KRT40: variants seen among roughly 807,000 people sequenced by gnomAD.
The protein encoded by KRT40 is keratin 40.
KRT40 carries 47 observed loss-of-function variants against 43.5 expected under a neutral mutation model. The observed-to-expected ratio is 1.08, with a 90% CI of 0.86 to 1.38. KRT40 has a LOEUF of 1.38. Among genes scored for constraint, KRT40 ranks in the 40% most tolerant of loss-of-function variants. The pLI, the probability that KRT40 is intolerant of heterozygous loss-of-function variation, is 0.00. For missense variants in KRT40, 573 were observed against 523.6 expected (o/e 1.09, Z -0.92); for synonymous variants, 212 against 214.0 (o/e 0.99, Z 0.08).
Position 40,982,286 on chromosome 17 carries a change from C to T in KRT40, c.687+21G>A, listed in dbSNP as rs755220950. 27 of 1,525,254 alleles carry T rather than the reference C, an allele frequency of 1.8e-5. No homozygotes were observed. The East Asian group carries it at 1.9e-4, about 11-fold the overall frequency. 94.5% of individuals were successfully genotyped at this position (1,525,254 alleles called of 1,614,324 possible). A position where few individuals can be genotyped will look rare whatever the true frequency, so the allele number is the denominator to read the frequency against. On this transcript the variant is annotated intron_variant, in intron 3 of 6. Coordinates refer to ENST00000377755, the MANE Select transcript of KRT40 (RefSeq NM_001389244.1). Reference sequence around the variant, plus strand: ...GTACGTTACTCTCGGAGTCCTTCAGCGGAGTTGCCACTTTCCTTACCTCTT... The same window carrying T: ...GTACGTTACTCTCGGAGTCCTTCAGTGGAGTTGCCACTTTCCTTACCTCTT...
intron 5 of KRT40, 101 bp from the exon 6 acceptor site, chr17:40,979,125 A>G: frequency 1.2e-6 from 1 of 814,388 alleles, no homozygotes; most frequent in Non-Finnish European, 2.0e-6. Flanking sequence ...CTATGTGACC[A>G]CTGGCAAATT....
At chr17:40,979,054 A>G (rs767905707) in intron 5 of KRT40, 30 bp from the exon 6 acceptor site, 3 of 1,573,846 alleles carry the variant, frequency 1.9e-6, no homozygotes, top group Non-Finnish European at 8.7e-7. Flanking sequence ...CCAAAGGACC[A>G]TGAAGTGCAG....
rs745933532 is a variant in KRT40 at position 40,978,257 on chromosome 17, G to T, written c.1236C>A (p.Ser412Arg). The change falls in exon 7 of 7, where the codon AGC becomes AGA. Residue 412 changes from serine to arginine, a missense_variant. Transcript: ENST00000377755. ...AGGCTGAGCATGGCTCACAAGTGTT[G>T]CTCGAGGTGCATGTGGTCGAACATG... is the stretch of plus-strand genomic sequence containing the variant. ...CSPCSTTCTS[S>R]NTCEPCSAYV... 6.2e-7 allele frequency: 1 copy of T among 1,614,128 alleles called. No individual in the cohort carries two copies. The highest frequency in any genetic ancestry group is 8.5e-7 in the Non-Finnish European group (1 of 1,179,980).
chr17:40,981,268 T>A, intron 3 of KRT40, 117 bp from the exon 4 acceptor site: 1 of 1,570,432 alleles, frequency 6.4e-7, no homozygotes, highest in African/African-American at 1.3e-5. Flanking sequence ...AGATTTTGAT[T>A]CAGATTGCCT....
chr17:40,979,413 A>G (rs1402821895), intron 5 of KRT40, among the ~76,000 whole-genome samples: 2 of 151,780 alleles, frequency 1.3e-5, no homozygotes, highest in African/African-American at 4.8e-5. Context: ...TACTCAGGAG[A>G]ATGGTGTGAA....
intron 3 of KRT40, among the ~76,000 whole-genome samples, chr17:40,981,931 T>C (rs1597920194): frequency 6.6e-6 from 1 of 152,092 alleles, no homozygotes; most frequent in Admixed American, 6.5e-5. Flanking sequence ...CAGGCTGGAG[T>C]GCAGTGGTAA....
intron 5 of KRT40, among the ~76,000 whole-genome samples, chr17:40,979,301 G>A (rs1051962414): frequency 6.6e-6 from 1 of 152,116 alleles, no homozygotes; most frequent in African/African-American, 2.4e-5. Flanking sequence ...GGATCACAAG[G>A]TCAGAAGATC....
chr17:40,980,321 T>C lies in KRT40; in HGVS notation c.975+464A>G, dbSNP rs550556273. On this transcript the variant is annotated intron_variant, in intron 5 of 6. Transcript: ENST00000377755. The stretch of plus-strand genomic sequence containing the variant: ...CACAGTGGTGCTTGACCAGAACTGG[T>C]TCATGTCATCTTGAACGCATGGTGT... Among the ~76,000 whole-genome samples, 8 of 152,322 alleles carry C rather than the reference T, an allele frequency of 5.3e-5. No homozygotes were observed. In the South Asian group the frequency reaches 1.7e-3, roughly 32 times the overall value.
intron 2 of KRT40, 21 bp downstream of exon 2, chr17:40,983,025 A>T (rs1421996772): frequency 9.8e-7 from 1 of 1,016,500 alleles, no homozygotes; most frequent in Non-Finnish European, 1.5e-6. Flanking sequence ...AATAAATAAA[A>T]TAAAATTAAA....
chr17:40,985,878 C>T (rs1657528582), upstream of KRT40, among the ~76,000 whole-genome samples: 1 of 152,058 alleles, frequency 6.6e-6, no homozygotes, highest in Admixed American at 6.5e-5. Flanking sequence ...TGAAGAAAAC[C>T]CATGTTTTGG....
Position 40,978,828 on chromosome 17 carries a change from C to G in KRT40, c.1172G>C (p.Gly391Ala). 1 of 1,612,572 alleles carries G rather than the reference C, an allele frequency of 6.2e-7. No homozygotes were observed. The highest frequency in any genetic ancestry group is 8.5e-7 in the Non-Finnish European group (1 of 1,179,934). ...RLEGEINTYW[G>A]LLDSEDSRLS... ...CCTGCTGTCCTCGCTGTCCAGCAGG[C>G]CCCAGTACGTGTTGATCTCACCCTC... The change falls in exon 6 of 7, where the codon GGC (glycine) becomes GCC (alanine). Residue 391 changes from glycine (G) to alanine (A), a missense_variant. By Grantham distance (60) the Gly-to-Ala change is moderately conservative (BLOSUM62 0). Coordinates refer to ENST00000377755, the MANE Select transcript of KRT40 (RefSeq NM_001389244.1).
Position 40,978,220 on chromosome 17 carries a change from T to C in KRT40, c.1273A>G (p.Thr425Ala). 3 of 1,613,890 alleles carry C rather than the reference T, an allele frequency of 1.9e-6. No homozygotes were observed. Among genetic ancestry groups the C allele is most frequent in the Non-Finnish European group, 2.5e-6 (3 of 1,179,798 alleles). The change falls in exon 7 of 7, where the codon ACT becomes GCT. Residue 425 changes from threonine to alanine, a missense_variant. Transcript: ENST00000377755. ...CEPCSAYVIC[T>A]VENCCL ...ATTCACAAGCAGCAGTTTTCAACAG[T>C]GCAGATGACATAGGCTGAGCATGGC... is the stretch of plus-strand genomic sequence containing the variant.
chr17:40,982,326 A>G lies in KRT40; in HGVS notation c.668T>C (p.Leu223Pro). The change falls in exon 3 of 7, where the codon CTT becomes CCT. Residue 223 changes from leucine to proline, a missense_variant. Physicochemically the swap from Leu to Pro is moderately conservative, Grantham distance 98. Transcript: ENST00000377755. Reference protein sequence around the residue: ...VESLKEDLLCLKKNHEEEVNL... With the variant: ...VESLKEDLLCPKKNHEEEVNL... ...CCTTACCTCTTCATGGTTTTTCTTAAGGCAAAGGAGATCTTCCTTCAGAGA... is the reference window on the plus strand; with the variant it reads ...CCTTACCTCTTCATGGTTTTTCTTAGGGCAAAGGAGATCTTCCTTCAGAGA... 6.3e-7 allele frequency: 1 copy of G among 1,588,780 alleles called. No homozygotes were observed.
At chr17:40,984,405 CTGA>C (rs1912371541), upstream of KRT40, 2 of 645,572 alleles carry the variant, frequency 3.1e-6, no homozygotes, top group African/African-American at 3.6e-5. Context: ...TTCTTTATCA[CTGA>C]TGGTGCCAGT....
chr17:40,978,720 T>C, intron 6 of KRT40, 84 bp downstream of exon 6: 1 of 1,237,368 alleles, frequency 8.1e-7, no homozygotes, highest in Non-Finnish European at 1.2e-6. Context: ...GGTCTGAACT[T>C]GTCCAGACTT....
chr17:40,982,287 G>T lies in KRT40; in HGVS notation c.687+20C>A. The T allele has an allele frequency of 2.0e-6, 3 of 1,526,362 alleles. No individual in the cohort carries two copies. The highest frequency in any genetic ancestry group is 2.4e-5 in the East Asian group (1 of 41,554). The allele number at this position is 1,526,362 out of a possible 1,614,324, so 94.6% of individuals were successfully genotyped here. ...TACGTTACTCTCGGAGTCCTTCAGC[G>T]GAGTTGCCACTTTCCTTACCTCTTC... is the stretch of plus-strand genomic sequence containing the variant. On this transcript the variant is annotated intron_variant, in intron 3 of 6. Transcript: ENST00000377755.
rs1247997848 is a variant in KRT40, at chr17:40,978,136, A to T, written c.*61T>A. Reference sequence around the variant, plus strand: ...TTCCGGTTTGGATGTCCCTGGTTGAAGCCCCATCTCCTTTCTAGGATGCTG... The same window carrying T: ...TTCCGGTTTGGATGTCCCTGGTTGATGCCCCATCTCCTTTCTAGGATGCTG... On this transcript the variant is annotated 3_prime_UTR_variant, in exon 7 of 7. Transcript: ENST00000377755. 7.8e-7 allele frequency: 1 copy of T among 1,279,336 alleles called. No individual in the cohort carries two copies. Among genetic ancestry groups the T allele is most frequent in the African/African-American group, 1.5e-5 (1 of 67,028 alleles). The allele number at this position is 1,279,336 out of a possible 1,614,324, so 79.2% of individuals were successfully genotyped here.
At position 40,978,243 on chromosome 17, in the gene KRT40, G is replaced by A; in HGVS notation, c.1250C>T (p.Pro417Leu). 6.2e-7 allele frequency: 1 copy of A among 1,614,124 alleles called. No individual in the cohort carries two copies. Among genetic ancestry groups the A allele is most frequent in the Non-Finnish European group, 8.5e-7 (1 of 1,179,978 alleles). Reference sequence around the variant, plus strand: ...AGTGCAGATGACATAGGCTGAGCATGGCTCACAAGTGTTGCTCGAGGTGCA... The same window carrying A: ...AGTGCAGATGACATAGGCTGAGCATAGCTCACAAGTGTTGCTCGAGGTGCA... Reference protein sequence around the residue: ...TTCTSSNTCEPCSAYVICTVE... With the variant: ...TTCTSSNTCELCSAYVICTVE... Residue 417 changes from proline (P) to leucine (L), a missense_variant, in exon 7 of 7, where the codon CCA (proline) becomes CTA (leucine). By Grantham distance (98) the Pro-to-Leu change is moderately conservative (BLOSUM62 -3). Transcript: ENST00000377755.
rs1213920368 is a variant in KRT40 at position 40,982,464 on chromosome 17, C to T, written c.531-1G>A. 2 of 1,549,908 alleles carry T rather than the reference C, an allele frequency of 1.3e-6. No individual in the cohort carries two copies. Among genetic ancestry groups the T allele is most frequent in the Non-Finnish European group, 1.7e-6 (2 of 1,152,740 alleles). ...GCGAAGGGACAGTTCACTCTCGTAC[C>T]TTTCACAGCAAAAGAGAAATCCAAC... On this transcript the variant is annotated splice_acceptor_variant, in intron 2 of 6. Transcript: ENST00000377755. LOFTEE classifies it high-confidence loss of function.
Sources: allele counts gnomAD v4.1 joint callset (sites outside exome capture counted in the v4.1 genomes callset), GRCh38; gene constraint gnomAD v4.1.1; transcripts MANE v1.5; gene names NCBI Gene and HGNC (gene_info 2026-07-23, HGNC 2026-07-21).